Variants in PHIP observed in about 807,000 individuals in gnomAD.
PHIP encodes the protein PH-interacting protein.
A neutral mutation model predicts 236.8 loss-of-function variants in PHIP; 54 were observed. The observed-to-expected ratio is 0.23, with a 90% CI of 0.18 to 0.29. The LOEUF is 0.29. Among genes scored for constraint, PHIP ranks in the 10% least tolerant of loss-of-function variants. PHIP has a pLI of 1.00. For missense variants in PHIP, 1,370 were observed against 2,190.8 expected (o/e 0.63, Z 7.48); for synonymous variants, 756 against 718.9 (o/e 1.05, Z -0.83).
chr6:79,076,752 T>TA (rs34821012), intron 4 of PHIP, among the ~76,000 whole-genome samples: 16 of 152,038 alleles, frequency 1.1e-4, no homozygotes, highest in South Asian at 8.3e-4. Context: ...CCATAAGAAT[T>TA]AAAAAAAGCC....
rs145488621 is a variant in PHIP at position 79,034,063 on chromosome 6, T to C, written c.601-7899A>G. Among the ~76,000 whole-genome samples the C allele has an allele frequency of 2.5e-3, 377 of 152,290 alleles. 2 individuals carry two copies. The highest frequency in any genetic ancestry group is 3.7e-3 in the Non-Finnish European group (251 of 68,020). On this transcript the variant is annotated intron_variant, in intron 7 of 39. Transcript: ENST00000275034. ...CTTACAATAGGAACATCAGAGATTA[T>C]AGATCACCATAACAGTTATAATAAT...
chr6:78,987,063 A>G (rs1237648959), intron 21 of PHIP, among the ~76,000 whole-genome samples: 4 of 152,134 alleles, frequency 2.6e-5, no homozygotes, highest in Non-Finnish European at 5.9e-5. Flanking sequence ...CTTTGTTCTC[A>G]ATGGACTCTT....
At chr6:78,988,014 T>G (rs182806973) in intron 21 of PHIP, among the ~76,000 whole-genome samples, 195 bp downstream of exon 21, 30 of 152,344 alleles carry the variant, frequency 2.0e-4, no homozygotes, top group East Asian at 1.9e-3. Context: ...GAGTTTATTT[T>G]GTGGATTTGA....
intron 21 of PHIP, among the ~76,000 whole-genome samples, chr6:78,987,978 C>G (rs952247946): frequency 6.6e-6 from 1 of 152,056 alleles, no homozygotes; most frequent in African/African-American, 2.4e-5. Context: ...GAATCCTTAT[C>G]TATAAAATGA....
intron 17 of PHIP, 81 bp from the exon 18 acceptor site, chr6:78,998,472 C>A: frequency 9.7e-7 from 1 of 1,028,906 alleles, no homozygotes; most frequent in South Asian, 1.7e-5. Flanking sequence ...CTTATGAGTT[C>A]AGAATTAAAC....
chr6:78,958,455 C>T lies in PHIP; in HGVS notation c.3782+20G>A. On this transcript the variant is annotated intron_variant, in intron 32 of 39. Transcript: ENST00000275034. ...TTAATTATTAAAACTATCATAATTA[C>T]ATATGAAAAGATAACTTACTTTATA... 7.5e-7 allele frequency: 1 copy of T among 1,337,828 alleles called. No individual in the cohort carries two copies. Among genetic ancestry groups the T allele is most frequent in the Non-Finnish European group, 1.1e-6 (1 of 934,950 alleles). The allele number at this position is 1,337,828 out of a possible 1,614,324, so 82.9% of individuals were successfully genotyped here. A position where few individuals can be genotyped will look rare whatever the true frequency, so the allele number is the denominator to read the frequency against.
chr6:79,035,490 A>G (rs558062955), intron 7 of PHIP, among the ~76,000 whole-genome samples: 1 of 152,330 alleles, frequency 6.6e-6, no homozygotes, highest in Non-Finnish European at 1.5e-5. Flanking sequence ...TTATACAAAG[A>G]TTACTACTTT....
rs527688166 is a variant in PHIP at position 78,936,719 on chromosome 6, T to G, written c.*3974A>C. The G allele has an allele frequency of 6.6e-6, 1 of 152,014 alleles. No individual in the cohort carries two copies. The highest frequency in any genetic ancestry group is 2.1e-4 in the South Asian group (1 of 4,818). The allele number at this position is 152,014 out of a possible 1,614,324, so 9.4% of individuals were successfully genotyped here. The stretch of plus-strand genomic sequence containing the variant: ...TCTACTGCAGTGTGTACAAGGTTTA[T>G]CTCTGGAGCGCCAAAAGTGGTACTT... On this transcript the variant is annotated 3_prime_UTR_variant, in exon 40 of 40. Transcript: ENST00000275034.
At chr6:79,076,833 A>C (rs1774184468) in intron 4 of PHIP, among the ~76,000 whole-genome samples, 1 of 152,198 alleles carries the variant, frequency 6.6e-6, no homozygotes, top group Admixed American at 6.5e-5. Flanking sequence ...TAAATGCAAG[A>C]CGAAGCACTG....
In PHIP at chr6:78,969,929, C is replaced by G; in HGVS notation, c.3123-12G>C. On this transcript the variant is annotated splice_polypyrimidine_tract_variant and intron_variant, in intron 26 of 39. Transcript: ENST00000275034. Reference sequence around the variant, plus strand: ...GCATATCATGGTATCTAATTACAAACAGAAACAAATTGATTAGGTCACATA... The same window carrying G: ...GCATATCATGGTATCTAATTACAAAGAGAAACAAATTGATTAGGTCACATA... The G allele has an allele frequency of 6.3e-7, 1 of 1,581,642 alleles. No homozygotes were observed. The highest frequency in any genetic ancestry group is 8.6e-7 in the Non-Finnish European group (1 of 1,158,170).
chr6:79,004,460 A>G, intron 15 of PHIP: 1 of 961,148 alleles, frequency 1.0e-6, no homozygotes, highest in Non-Finnish European at 1.2e-6. Flanking sequence ...AGAGGTGGCC[A>G]ATCACCACTC....
At chr6:78,955,553 T>C in intron 33 of PHIP, 60 bp downstream of exon 33, 1 of 624,986 alleles carries the variant, frequency 1.6e-6, no homozygotes, top group Non-Finnish European at 2.8e-6. Flanking sequence ...AAAACTACAA[T>C]ATGTAAATTT....
At position 79,035,402 on chromosome 6, in the gene PHIP, C is replaced by T. The variant is rs139111914; in HGVS notation, c.600+7441G>A. The stretch of plus-strand genomic sequence containing the variant: ...GCAGAAAACTGTACACATTGGGAAA[C>T]AGTTTACTTCTGTTCAGATAACTTG... On this transcript the variant is annotated intron_variant, in intron 7 of 39. Transcript: ENST00000275034. Among the ~76,000 whole-genome samples the T allele has an allele frequency of 6.4e-4, 97 of 152,236 alleles. 1 individual carries two copies. The South Asian group carries it at 8.1e-3, about 13-fold the overall frequency.
At chr6:79,019,702 GAT>G (rs1771014528) in intron 9 of PHIP, among the ~76,000 whole-genome samples, 1 of 152,144 alleles carries the variant, frequency 6.6e-6, no homozygotes, top group African/African-American at 2.4e-5. Context: ...AAAATCTGAA[GAT>G]ACTTTGACTC....
intron 21 of PHIP, among the ~76,000 whole-genome samples, chr6:78,986,720 A>G (rs1467397520): frequency 6.6e-6 from 1 of 152,186 alleles, no homozygotes; most frequent in Non-Finnish European, 1.5e-5. Context: ...TATACTTGGG[A>G]CAAAAGTTTT....
At chr6:78,961,126 C>A (rs1456170260) in intron 31 of PHIP, among the ~76,000 whole-genome samples, 1 of 151,926 alleles carries the variant, frequency 6.6e-6, no homozygotes, top group East Asian at 1.9e-4. Flanking sequence ...ATCAAAATTA[C>A]CTAGATAATG....
intron 24 of PHIP, among the ~76,000 whole-genome samples, chr6:78,972,523 AC>A (rs1767663440): frequency 6.6e-6 from 1 of 152,256 alleles, no homozygotes; most frequent in Non-Finnish European, 1.5e-5. Context: ...ACAAAGCTGG[AC>A]GCAGAATGAC....
intron 19 of PHIP, among the ~76,000 whole-genome samples, chr6:78,993,319 T>C (rs1769393075): frequency 6.6e-6 from 1 of 152,196 alleles, no homozygotes; most frequent in Non-Finnish European, 1.5e-5. Context: ...CCAGAATAAC[T>C]AGCTAAGATC....
In PHIP at chr6:78,965,752, T is replaced by C. The variant is rs546620496; in HGVS notation, c.3330A>G (p.Gly1110=). ...CCCAAGGACTCATCTTTTCTGTATCTCCATTGTCCCAGCTTAAAGAAAGAA... is the reference window on the plus strand; with the variant it reads ...CCCAAGGACTCATCTTTTCTGTATCCCCATTGTCCCAGCTTAAAGAAAGAA... ...FQCYNVCWDN[G]DTEKMSPWDM... is the part of the protein sequence containing the mutation. Residue 1110 remains glycine (G), a synonymous_variant, in exon 29 of 40, where the codon GGA becomes GGG. Transcript: ENST00000275034. The C allele has an allele frequency of 1.3e-6, 2 of 1,554,504 alleles. No individual in the cohort carries two copies. Among genetic ancestry groups the C allele is most frequent in the East Asian group, 2.3e-5 (1 of 44,324 alleles).
Sources: allele counts gnomAD v4.1 joint callset (sites outside exome capture counted in the v4.1 genomes callset), GRCh38; gene constraint gnomAD v4.1.1; transcripts MANE v1.5; gene names NCBI Gene and HGNC (gene_info 2026-07-23, HGNC 2026-07-21).